PTPN23: variants seen among roughly 807,000 people sequenced by gnomAD.
The protein encoded by PTPN23 is protein tyrosine phosphatase non-receptor type 23.
In PTPN23, 72 loss-of-function variants were observed where a neutral mutation model predicts 156.3. The ratio of observed to expected loss-of-function variants is 0.46; its 90% confidence interval spans 0.38 to 0.56. The LOEUF (loss-of-function observed/expected upper bound fraction) is 0.56. Among genes scored for constraint, PTPN23 ranks in the 20% least tolerant of loss-of-function variants. The probability of loss-of-function intolerance (pLI) is 0.00; values close to 1 mark genes in which losing one functional copy is unlikely to be tolerated. For synonymous variants in PTPN23, 957 were observed against 899.6 expected (o/e 1.06, Z -1.14); for missense variants, 1,974 against 2,171.5 (o/e 0.91, Z 1.81).
chr3:47,390,554 A>T (rs1704752773), intron 1 of PTPN23, among the ~76,000 whole-genome samples: 1 of 151,998 alleles, frequency 6.6e-6, no homozygotes, highest in African/African-American at 2.4e-5. Context: ...TTGGAGCTTC[A>T]TACTTCCCGC....
At chr3:47,400,766 G>T (rs1243478134) in intron 2 of PTPN23, among the ~76,000 whole-genome samples, 1 of 152,094 alleles carries the variant, frequency 6.6e-6, no homozygotes, top group Non-Finnish European at 1.5e-5. Flanking sequence ...TAGAGACAGG[G>T]TTTCTCCATG....
Position 47,405,244 on chromosome 3 carries a change from T to G in PTPN23, c.364+163T>G. 1.5e-6 allele frequency: 1 copy of G among 678,366 alleles called. No individual in the cohort carries two copies. 42.0% of individuals were successfully genotyped at this position (678,366 alleles called of 1,614,324 possible). On this transcript the variant is annotated intron_variant, in intron 4 of 24. Transcript: ENST00000265562. The surrounding 1 kb of genome is among the most constrained non-coding windows in gnomAD (Gnocchi z 4.7). Reference sequence around the variant, plus strand: ...CAGCCCTGCCAGCTCCTCCACTGTTTTCTGGGCTGGGCCCGTGGGGAGCCT... The same window carrying G: ...CAGCCCTGCCAGCTCCTCCACTGTTGTCTGGGCTGGGCCCGTGGGGAGCCT...
chr3:47,407,465 C>A lies in PTPN23; in HGVS notation c.924-40C>A, dbSNP rs543599825. 1 of 1,607,404 alleles carries A rather than the reference C, an allele frequency of 6.2e-7. No individual in the cohort carries two copies. The highest frequency in any genetic ancestry group is 8.5e-7 in the Non-Finnish European group (1 of 1,174,158). ...GAAGTAGGTTCTGGATCCCCACTGACACCCCGTGACTGCCCACTCCCCCTG... is the reference window on the plus strand; with the variant it reads ...GAAGTAGGTTCTGGATCCCCACTGAAACCCCGTGACTGCCCACTCCCCCTG... On this transcript the variant is annotated intron_variant, in intron 11 of 24. Transcript: ENST00000265562. This position sits in a 1 kb window ranked among gnomAD's most constrained non-coding sequence, Gnocchi z 4.0.
Position 47,411,693 on chromosome 3 carries a change from A to C in PTPN23, c.3888+7A>C. On this transcript the variant is annotated splice_region_variant and intron_variant, in intron 20 of 24. Coordinates refer to ENST00000265562, the MANE Select transcript of PTPN23 (RefSeq NM_015466.4). The surrounding 1 kb of genome is among the most constrained non-coding windows in gnomAD (Gnocchi z 6.3). ...TGAGGCTGAGATGGAGAAGGTGAGA[A>C]GAGGGGGTGGGTGCCCACGAGGGCA... 1.3e-6 allele frequency: 2 copies of C among 1,599,682 alleles called. No individual in the cohort carries two copies. The highest frequency in any genetic ancestry group is 8.5e-7 in the Non-Finnish European group (1 of 1,169,914).
rs1705274581 is a variant in PTPN23 at position 47,411,097 on chromosome 3, G to GC, written c.3305dup (p.Ala1103SerfsTer48). On this transcript the variant is annotated frameshift_variant, in exon 20 of 25. Transcript: ENST00000265562. LOFTEE classifies it high-confidence loss of function. This position sits in a 1 kb window ranked among gnomAD's most constrained non-coding sequence, Gnocchi z 6.3. ...CCAGGGCCTGGTCCGGTACCCCCTCGCCCCCCAGCAGCAGAACCACCCCCT... is the reference window on the plus strand; with the variant it reads ...CCAGGGCCTGGTCCGGTACCCCCTCGCCCCCCCAGCAGCAGAACCACCCCCT... The GC allele has an allele frequency of 1.9e-6, 3 of 1,600,214 alleles. No individual in the cohort carries two copies. The highest frequency in any genetic ancestry group is 1.3e-5 in the African/African-American group (1 of 74,438).
intron 2 of PTPN23, among the ~76,000 whole-genome samples, chr3:47,404,216 C>T (rs1252838292): frequency 1.3e-5 from 2 of 152,106 alleles, no homozygotes; most frequent in African/African-American, 4.8e-5. Flanking sequence ...GGGTGGATCA[C>T]AAGGTCAAGT....
Position 47,411,270 on chromosome 3 carries a change from C to T in PTPN23, c.3472C>T (p.Arg1158Trp), listed in dbSNP as rs1196067144. Residue 1158 changes from arginine to tryptophan, a missense_variant, in exon 20 of 25, where the codon CGG becomes TGG. Arg to Trp is a moderately radical substitution (Grantham distance 101). Around this residue, in one of 4 missense-constraint regions of PTPN23, gnomAD observed 731 missense variants for 669.1 expected, o/e 1.09. Transcript: ENST00000265562. The surrounding 1 kb of genome is among the most constrained non-coding windows in gnomAD (Gnocchi z 6.3). ...TGAGGGTCGTCGGCCGCAGGCCCTG[C>T]GGCTGATTGAGCGGGACCCCTATGA... ...AAEGRRPQAL[R>W]LIERDPYEHP... 1.1e-5 allele frequency: 18 copies of T among 1,610,572 alleles called. No homozygotes were observed. The highest frequency in any genetic ancestry group is 1.1e-4 in the East Asian group (5 of 44,874).
At chr3:47,382,680 CTTT>C (rs71098482) in intron 1 of PTPN23, among the ~76,000 whole-genome samples, 21 of 58,654 alleles carry the variant, frequency 3.6e-4, no homozygotes, top group Admixed American at 2.1e-3. Context: ...TTTTTCTTTT[CTTT>C]TTTTTTTTTT....
In PTPN23 at chr3:47,410,410, C is replaced by G. The variant is rs930638136; in HGVS notation, c.2612C>G (p.Pro871Arg). 3.7e-6 allele frequency: 6 copies of G among 1,612,056 alleles called. No homozygotes were observed. The African/African-American group carries it at 6.7e-5, about 18-fold the overall frequency. Residue 871 changes from proline to arginine, a missense_variant, in exon 20 of 25, where the codon CCC becomes CGC. Physicochemically the swap from Pro to Arg is moderately radical, Grantham distance 103. Transcript: ENST00000265562. ...GCCCCACCTCCTCAATTCTCAGGCC[C>G]CGAGTTGGCCATGGCGGTTCGGCCA... is the stretch of plus-strand genomic sequence containing the variant. ...PSAPPPQFSG[P>R]ELAMAVRPAT...
At chr3:47,409,355 G>T (rs772783382) in intron 17 of PTPN23, 38 bp downstream of exon 17, 1 of 1,613,112 alleles carries the variant, frequency 6.2e-7, no homozygotes, top group Non-Finnish European at 8.5e-7. Flanking sequence ...CTCTGGCTCC[G>T]GGCCCCACCC....
chr3:47,386,363 G>A (rs570263452), intron 1 of PTPN23, among the ~76,000 whole-genome samples: 6 of 152,090 alleles, frequency 3.9e-5, no homozygotes, highest in Admixed American at 3.9e-4. Context: ...ATGGGGTTTC[G>A]CCGTGTTGGC....
chr3:47,388,212 AT>A (rs1419430053), intron 1 of PTPN23, among the ~76,000 whole-genome samples: 1 of 151,960 alleles, frequency 6.6e-6, no homozygotes, highest in Non-Finnish European at 1.5e-5. Context: ...GTTCTTTTTT[AT>A]TTTTATTTTT....
chr3:47,384,257 A>G (rs1047584551), intron 1 of PTPN23, among the ~76,000 whole-genome samples: 1 of 151,984 alleles, frequency 6.6e-6, no homozygotes, highest in Middle Eastern at 3.2e-3. Flanking sequence ...TCACGAGGTC[A>G]GGAGATCAAG....
At chr3:47,388,554 C>G (rs867761748) in intron 1 of PTPN23, among the ~76,000 whole-genome samples, 1 of 152,018 alleles carries the variant, frequency 6.6e-6, no homozygotes, top group African/African-American at 2.4e-5. Flanking sequence ...TCCATTACCA[C>G]AAGCATTTAT....
At position 47,412,440 on chromosome 3, in the gene PTPN23, G is replaced by C; in HGVS notation, c.4317+19G>C. The stretch of plus-strand genomic sequence containing the variant: ...GGAGAAGGTGAGGATCTGGGCAGAT[G>C]GGGCTGGGATGGGCCTTCTGTCCCA... On this transcript the variant is annotated intron_variant, in intron 23 of 24. Coordinates refer to ENST00000265562, the MANE Select transcript of PTPN23 (RefSeq NM_015466.4). 3.1e-6 allele frequency: 5 copies of C among 1,612,266 alleles called. No individual in the cohort carries two copies. Among genetic ancestry groups the C allele is most frequent in the Non-Finnish European group, 3.4e-6 (4 of 1,179,378 alleles).
At chr3:47,381,215 G>T (rs1373215732) in intron 1 of PTPN23, 35 bp downstream of exon 1, 1 of 1,555,780 alleles carries the variant, frequency 6.4e-7, no homozygotes, top group Admixed American at 1.9e-5. Flanking sequence ...CCTATCCGCC[G>T]CGTATCTCCG....
At position 47,406,179 on chromosome 3, in the gene PTPN23, G is replaced by A. The variant is rs182163705; in HGVS notation, c.546+133G>A. 241 of 1,482,102 alleles carry A rather than the reference G, an allele frequency of 1.6e-4. 1 individual carries two copies. The East Asian group carries it at 4.1e-3, about 25-fold the overall frequency. 91.8% of individuals were successfully genotyped at this position (1,482,102 alleles called of 1,614,324 possible). A position where few individuals can be genotyped will look rare whatever the true frequency, so the allele number is the denominator to read the frequency against. ...GGGCCTTGGCTTTGTTGAATCAGGA[G>A]CACCGTGGTGCTGCTTGGAGTGGGG... On this transcript the variant is annotated intron_variant, in intron 6 of 24. Coordinates refer to ENST00000265562, the MANE Select transcript of PTPN23 (RefSeq NM_015466.4). The surrounding 1 kb of genome is among the most constrained non-coding windows in gnomAD (Gnocchi z 5.8).
intron 1 of PTPN23, among the ~76,000 whole-genome samples, chr3:47,394,128 A>AT (rs372740889): frequency 1.2e-3 from 175 of 152,056 alleles, no homozygotes; most frequent in African/African-American, 4.0e-3. Context: ...GAGTGGGTTC[A>AT]TTGTTGCCCC....
Position 47,408,830 on chromosome 3 carries a change from TG to T in PTPN23, c.1386del (p.Leu463TrpfsTer7). The T allele has an allele frequency of 6.2e-7, 1 of 1,613,418 alleles. No individual in the cohort carries two copies. Among genetic ancestry groups the T allele is most frequent in the Non-Finnish European group, 8.5e-7 (1 of 1,179,544 alleles). On this transcript the variant is annotated frameshift_variant, in exon 16 of 25. Coordinates refer to ENST00000265562, the MANE Select transcript of PTPN23 (RefSeq NM_015466.4). LOFTEE classifies it high-confidence loss of function. Reference sequence around the variant, plus strand: ...GCTTCCCTGAAGGACATCAGAGATCTGTTGGAGGAGGATGAGCTGCTAGAGC... The same window carrying T: ...GCTTCCCTGAAGGACATCAGAGATCTTTGGAGGAGGATGAGCTGCTAGAGC... ...VEASLKDIRD[L>X]LEEDELLEQK...
Sources: allele counts gnomAD v4.1 joint callset (sites outside exome capture counted in the v4.1 genomes callset), GRCh38; gene constraint gnomAD v4.1.1; regional missense constraint gnomAD v4.1.1; non-coding constraint Gnocchi (gnomAD v3.1); transcripts MANE v1.5; gene names NCBI Gene and HGNC (gene_info 2026-07-23, HGNC 2026-07-21).